The following MPHOSPH9 variants were observed in gnomAD, a reference collection of about 807,000 sequenced individuals.
The protein encoded by MPHOSPH9 is M-phase phosphoprotein 9.
MPHOSPH9 carries 88 observed loss-of-function variants against 145.5 expected under a neutral mutation model. The observed-to-expected ratio is 0.60, with a 90% CI of 0.51 to 0.72. MPHOSPH9 has a LOEUF of 0.72. Among genes scored for constraint, MPHOSPH9 ranks in the 30% least tolerant of loss-of-function variants. The probability of loss-of-function intolerance (pLI) is 0.00; values close to 1 mark genes in which losing one functional copy is unlikely to be tolerated. For synonymous variants in MPHOSPH9, 435 were observed against 486.2 expected (o/e 0.89, Z 1.39); for missense variants, 1,238 against 1,386.6 (o/e 0.89, Z 1.70).
In MPHOSPH9 at chr12:123,164,004, C is replaced by A. The variant is rs768306262; in HGVS notation, c.2854G>T (p.Ala952Ser). Residue 952 changes from alanine (A) to serine (S), a missense_variant, in exon 19 of 24, where the codon GCC becomes TCC. Ala to Ser is a moderately conservative substitution (Grantham distance 99). This residue lies in a region of MPHOSPH9 where 393 missense variants were observed against 462.5 expected (regional missense o/e 0.85). Transcript: ENST00000606320. ...GGTAAAGATGATGATCTCTGTGAGG[C>A]CGAATTAAGTCTCTTTTGTCTCTGT... ...AQQRQKRLNSASQRSSSLPPS... is the reference protein window; with the variant it reads ...AQQRQKRLNSSSQRSSSLPPS... The A allele has an allele frequency of 1.2e-5, 20 of 1,614,052 alleles. No individual in the cohort carries two copies. The highest frequency in any genetic ancestry group is 2.2e-5 in the East Asian group (1 of 44,868).
chr12:123,161,300 C>T lies in MPHOSPH9; in HGVS notation c.3217G>A (p.Val1073Ile). 6.2e-7 allele frequency: 1 copy of T among 1,614,114 alleles called. No homozygotes were observed. The highest frequency in any genetic ancestry group is 1.6e-4 in the Middle Eastern group (1 of 6,062). The change falls in exon 22 of 24, where the codon GTA becomes ATA. Residue 1073 changes from valine (V) to isoleucine (I), a missense_variant. Coordinates refer to ENST00000606320, the MANE Select transcript of MPHOSPH9 (RefSeq NM_022782.4). ...TTCTCCCAGGCTGTTCTCACAGATA[C>T]TTTCTTCACTCCATTTGGCACCGGT... The part of the protein sequence containing the change: ...PEPVPNGVKK[V>I]SVRTAWEKNK...
At chr12:123,213,279 C>A (rs1487332798) in intron 7 of MPHOSPH9, among the ~76,000 whole-genome samples, 1 of 152,108 alleles carries the variant, frequency 6.6e-6, no homozygotes, top group Non-Finnish European at 1.5e-5. Context: ...GTGTTCTGAG[C>A]ACATTTAATG....
At chr12:123,173,820 T>G (rs761244681) in intron 16 of MPHOSPH9, among the ~76,000 whole-genome samples, 29 of 152,218 alleles carry the variant, frequency 1.9e-4, no homozygotes, top group Non-Finnish European at 3.2e-4. Flanking sequence ...AAATATCATC[T>G]GTAATAAGTT....
chr12:123,203,673 A>C (rs2046310070), intron 8 of MPHOSPH9, among the ~76,000 whole-genome samples: 1 of 152,088 alleles, frequency 6.6e-6, no homozygotes, highest in Admixed American at 6.5e-5. Flanking sequence ...TCCCACTCAA[A>C]ATAAGAACCA....
At chr12:123,188,764 C>T (rs2045558266) in intron 13 of MPHOSPH9, among the ~76,000 whole-genome samples, 1 of 152,224 alleles carries the variant, frequency 6.6e-6, no homozygotes, top group Non-Finnish European at 1.5e-5. Context: ...AGGGGAATCG[C>T]TTGAACCTGG....
intron 12 of MPHOSPH9, among the ~76,000 whole-genome samples, chr12:123,197,714 G>C: frequency 6.6e-6 from 1 of 151,008 alleles, no homozygotes; most frequent in Non-Finnish European, 1.5e-5. Context: ...CCTGGGAGGC[G>C]AAGGTTGCAG....
In MPHOSPH9 at chr12:123,202,156, A is replaced by C. The variant is rs1281286883; in HGVS notation, c.1937+8T>G. On this transcript the variant is annotated splice_region_variant and intron_variant, in intron 11 of 23. Transcript: ENST00000606320. Reference sequence around the variant, plus strand: ...GAGAAAACTTCACAGCTAAATTATAAATTTTACCTGTCTACAAGAATTTGA... The same window carrying C: ...GAGAAAACTTCACAGCTAAATTATACATTTTACCTGTCTACAAGAATTTGA... 3 of 1,595,608 alleles carry C rather than the reference A, an allele frequency of 1.9e-6. No homozygotes were observed. Among genetic ancestry groups the C allele is most frequent in the South Asian group, 2.3e-5 (2 of 87,224 alleles).
chr12:123,241,807 C>A (rs1010741771), intron 1 of MPHOSPH9, among the ~76,000 whole-genome samples: 9 of 152,200 alleles, frequency 5.9e-5, no homozygotes, highest in African/African-American at 2.2e-4. Flanking sequence ...GCCATCCCTG[C>A]AGATAGTCTG....
Position 123,163,958 on chromosome 12 carries a change from C to T in MPHOSPH9, c.2900G>A (p.Ser967Asn). 3 of 1,614,022 alleles carry T rather than the reference C, an allele frequency of 1.9e-6. No individual in the cohort carries two copies. The highest frequency in any genetic ancestry group is 2.2e-5 in the East Asian group (1 of 44,858). The change falls in exon 19 of 24, where the codon AGT becomes AAT. Residue 967 changes from serine to asparagine, a missense_variant. By Grantham distance (46) the Ser-to-Asn change is conservative. This residue lies in a region of MPHOSPH9 where 393 missense variants were observed against 462.5 expected (regional missense o/e 0.85). Transcript: ENST00000606320. The stretch of plus-strand genomic sequence containing the variant: ...ACACATCTAACTCTTACTTGGAGTA[C>T]TTGATTTACGATTTGAAGGTGGTAA... Reference protein sequence around the residue: ...SSLPPSNRKSSTPTKREIMLT... With the variant: ...SSLPPSNRKSNTPTKREIMLT...
intron 2 of MPHOSPH9, 52 bp from the exon 3 acceptor site, chr12:123,227,668 G>C (rs550580870): frequency 7.1e-7 from 1 of 1,409,378 alleles, no homozygotes; most frequent in South Asian, 1.5e-5. Context: ...TCAAAGTGTT[G>C]AATAATTCAG....
rs34047404 is a variant in MPHOSPH9 at position 123,222,980 on chromosome 12, G to GTA, written c.348+56_348+57dup. 4 of 781,930 alleles carry GTA rather than the reference G, an allele frequency of 5.1e-6. No individual in the cohort carries two copies. In the African/African-American group the frequency reaches 5.2e-5, roughly 10 times the overall value. The allele number at this position is 781,930 out of a possible 1,614,324, so 48.4% of individuals were successfully genotyped here. ...TATATATATGTGTGTGTGTGTGTGT[G>GTA]TATATGTACGTATGTATATGTATAT... On this transcript the variant is annotated intron_variant, in intron 4 of 23. Coordinates refer to ENST00000606320, the MANE Select transcript of MPHOSPH9 (RefSeq NM_022782.4).
rs1437527110 is a variant in MPHOSPH9, at chr12:123,182,279, A to C, written c.2242-1069T>G. 3.5e-5 allele frequency among the ~76,000 whole-genome samples: 4 copies of C among 114,478 alleles called. No homozygotes were observed. The Admixed American group carries it at 4.2e-4, about 12-fold the overall frequency. The allele number at this position is 114,478 out of a possible 152,430, so 75.1% of individuals were successfully genotyped here. On this transcript the variant is annotated intron_variant, in intron 13 of 23. Transcript: ENST00000606320. The stretch of plus-strand genomic sequence containing the variant: ...TTTTTTTGTTTTTTTTTTTTGATGG[A>C]GTCTTGCTCCATCACCTAGGTTGAA...
At chr12:123,240,823 T>G (rs1489257520) in intron 1 of MPHOSPH9, 2 of 142,802 alleles carry the variant, frequency 1.4e-5, no homozygotes, top group African/African-American at 5.3e-5. Context: ...AACCTCCGAC[T>G]CCCGAGTTGA....
downstream of MPHOSPH9, chr12:123,152,836 G>A (rs943686394): frequency 4.5e-6 from 1 of 223,532 alleles, no homozygotes; most frequent in Non-Finnish European, 9.2e-6. Flanking sequence ...TAATCTACCT[G>A]TCTGAATGGT....
At position 123,175,878 on chromosome 12, in the gene MPHOSPH9, C is replaced by A. The variant is rs538492598; in HGVS notation, c.2456+810G>T. On this transcript the variant is annotated intron_variant, in intron 16 of 23. Coordinates refer to ENST00000606320, the MANE Select transcript of MPHOSPH9 (RefSeq NM_022782.4). ...TTCTACTAAGATTAATTAACAAAGA[C>A]CTAGAAAAATCTTCTCTTACAATTT... 1.1e-4 allele frequency among the ~76,000 whole-genome samples: 17 copies of A among 149,470 alleles called. No homozygotes were observed. The South Asian group carries it at 2.8e-3, about 24-fold the overall frequency.
At chr12:123,162,810 T>C in intron 20 of MPHOSPH9, 1 of 452,816 alleles carries the variant, frequency 2.2e-6, no homozygotes, top group Non-Finnish European at 3.8e-6. Context: ...TAAAATCTAG[T>C]AGTAGCAAGT....
At chr12:123,166,856 A>C in intron 16 of MPHOSPH9, 67 bp from the exon 17 acceptor site, 1 of 1,501,678 alleles carries the variant, frequency 6.7e-7, no homozygotes, top group Non-Finnish European at 9.0e-7. Context: ...ATGTGCATAT[A>C]AAACAATCTG....
At chr12:123,207,240 G>A (rs377539048) in intron 8 of MPHOSPH9, among the ~76,000 whole-genome samples, 54 of 149,160 alleles carry the variant, frequency 3.6e-4, no homozygotes, top group African/African-American at 1.1e-3. Context: ...TGACAATACC[G>A]TAGAGTCAAC....
intron 19 of MPHOSPH9, chr12:123,163,391 T>G (rs1279932657): frequency 5.5e-6 from 2 of 366,218 alleles, no homozygotes; most frequent in East Asian, 1.0e-4. Flanking sequence ...ATTTTAGAAG[T>G]CGACTGGAAA....
Sources: allele counts gnomAD v4.1 joint callset (sites outside exome capture counted in the v4.1 genomes callset), GRCh38; gene constraint gnomAD v4.1.1; regional missense constraint gnomAD v4.1.1; transcripts MANE v1.5; gene names NCBI Gene and HGNC (gene_info 2026-07-23, HGNC 2026-07-21).